Variants in TUNAR observed in about 807,000 individuals in gnomAD.
TUNAR encodes protein TUNAR.
At chr14:95,910,627 T>C (rs916777738) in intron 2 of TUNAR, among the ~76,000 whole-genome samples, 1 of 152,242 alleles carries the variant, frequency 6.6e-6, no homozygotes, top group African/African-American at 2.4e-5. Flanking sequence ...ATTTTATCTC[T>C]TCACTGGTTC....
At chr14:95,894,085 G>A (rs759039789) in intron 2 of TUNAR, among the ~76,000 whole-genome samples, 2 of 152,262 alleles carry the variant, frequency 1.3e-5, no homozygotes, top group African/African-American at 2.4e-5. Context: ...CCAGAAGAGG[G>A]AAGAGGAGCA....
chr14:95,903,832 C>T (rs932067350), intron 2 of TUNAR, among the ~76,000 whole-genome samples: 1 of 152,194 alleles, frequency 6.6e-6, no homozygotes, highest in Non-Finnish European at 1.5e-5. Context: ...CCGGCACAGC[C>T]AGGGCTGTAG....
chr14:95,884,082 C>A (rs1271118070), intron 2 of TUNAR, among the ~76,000 whole-genome samples: 1 of 152,146 alleles, frequency 6.6e-6, no homozygotes, highest in Non-Finnish European at 1.5e-5. Flanking sequence ...CACCGCCGTG[C>A]TGTCCAAGCC....
intron 2 of TUNAR, among the ~76,000 whole-genome samples, chr14:95,913,605 G>C (rs933820741): frequency 1.3e-5 from 2 of 152,154 alleles, no homozygotes; most frequent in African/African-American, 4.8e-5. Flanking sequence ...GTCTAGAGAA[G>C]TCATAAAGAG....
chr14:95,889,483 G>A (rs561879880), intron 2 of TUNAR, among the ~76,000 whole-genome samples: 35 of 67,036 alleles, frequency 5.2e-4, no homozygotes, highest in South Asian at 4.2e-3. Context: ...CTCCTCCTCC[G>A]CCTCCACTAT....
intron 2 of TUNAR, among the ~76,000 whole-genome samples, chr14:95,914,587 G>T (rs1427831041): frequency 2.0e-5 from 3 of 152,188 alleles, no homozygotes; most frequent in Admixed American, 6.5e-5. Context: ...GAGTGGCTAT[G>T]TGGACAAGTA....
intron 2 of TUNAR, among the ~76,000 whole-genome samples, chr14:95,898,237 A>C (rs1309285039): frequency 6.6e-6 from 1 of 152,206 alleles, no homozygotes; most frequent in Non-Finnish European, 1.5e-5. Context: ...CTTGTTGCTG[A>C]TGAGAAGTCC....
At chr14:95,924,215 C>T (rs1249763723) in exon 3 of TUNAR, 1 of 152,210 alleles carries the variant, frequency 6.6e-6, no homozygotes, top group Non-Finnish European at 1.5e-5. Context: ...CCCAGGAGAT[C>T]TCATGGTGAT....
intron 2 of TUNAR, among the ~76,000 whole-genome samples, chr14:95,886,011 G>T (rs1052578359): frequency 6.6e-6 from 1 of 152,156 alleles, no homozygotes; most frequent in Non-Finnish European, 1.5e-5. Context: ...CAAGGTAGCC[G>T]CTGGCTTCAG....
At chr14:95,918,238 G>A (rs112535284) in intron 2 of TUNAR, among the ~76,000 whole-genome samples, 3,120 of 152,254 alleles carry the variant, frequency 0.02, 114 homozygotes, top group African/African-American at 0.069. Context: ...ATCCCCTCAA[G>A]CATCTATCCA....
intron 2 of TUNAR, among the ~76,000 whole-genome samples, chr14:95,878,638 T>C (rs1490925463): frequency 2.6e-5 from 4 of 152,184 alleles, no homozygotes; most frequent in Non-Finnish European, 5.9e-5. Flanking sequence ...CTGAATGGGT[T>C]GTTGATTTCC....
intron 2 of TUNAR, among the ~76,000 whole-genome samples, chr14:95,922,035 T>C (rs1186237596): frequency 1.3e-5 from 2 of 152,206 alleles, no homozygotes; most frequent in African/African-American, 4.8e-5. Flanking sequence ...ATGAAGCCCA[T>C]GGGAGCAGTC....
intron 2 of TUNAR, among the ~76,000 whole-genome samples, chr14:95,898,616 C>T (rs912380899): frequency 2.6e-5 from 4 of 151,986 alleles, no homozygotes; most frequent in African/African-American, 9.7e-5. Context: ...TCTGGTTTGT[C>T]ATTTTGCTTT....
In TUNAR at chr14:95,915,574, G is replaced by A. The variant is rs540152722; in HGVS notation, c.13-7207G>A. Among the ~76,000 whole-genome samples, 15 of 152,314 alleles carry A rather than the reference G, an allele frequency of 9.8e-5. No individual in the cohort carries two copies. The South Asian group carries it at 3.1e-3, about 32-fold the overall frequency. ...CAGAGGAAAATCGAGACCAAAGAAA[G>A]ACCATGAATGCTGGTTAGGCCCAGT... is the stretch of plus-strand genomic sequence containing the variant. On this transcript the variant is annotated intron_variant, in intron 2 of 2. Coordinates refer to ENST00000678517, the Ensembl canonical transcript of TUNAR.
chr14:95,918,018 A>G (rs74085764), intron 2 of TUNAR, among the ~76,000 whole-genome samples: 7,099 of 152,322 alleles, frequency 0.047, 545 homozygotes, highest in African/African-American at 0.16. Flanking sequence ...GATTGAGTGG[A>G]TAAATGAATG....
At chr14:95,915,719 G>T (rs767315534) in intron 2 of TUNAR, among the ~76,000 whole-genome samples, 5 of 152,256 alleles carry the variant, frequency 3.3e-5, no homozygotes, top group Non-Finnish European at 7.3e-5. Flanking sequence ...CACACACGGC[G>T]CTGTGTCACT....
chr14:95,904,534 C>T (rs920074823), intron 2 of TUNAR, among the ~76,000 whole-genome samples: 2 of 152,170 alleles, frequency 1.3e-5, no homozygotes, highest in Non-Finnish European at 2.9e-5. Flanking sequence ...GTCAACAGCC[C>T]AGGCCAGGGT....
intron 2 of TUNAR, among the ~76,000 whole-genome samples, chr14:95,900,324 G>T (rs1033182626): frequency 1.3e-5 from 2 of 152,214 alleles, no homozygotes; most frequent in African/African-American, 4.8e-5. Flanking sequence ...CTGCATGATT[G>T]CGGGGAAAGG....
intron 2 of TUNAR, among the ~76,000 whole-genome samples, chr14:95,914,999 G>A (rs1889578447): frequency 1.3e-5 from 2 of 152,174 alleles, no homozygotes; most frequent in South Asian, 4.1e-4. Context: ...GTGGGTGCAA[G>A]CTAAGCGAGA....
Sources: gnomAD v4.1 joint callset for allele counts (sites outside exome capture counted in the v4.1 genomes callset) on GRCh38, gnomAD v4.1.1 for gene constraint, MANE v1.5 for transcripts, NCBI Gene and HGNC (gene_info 2026-07-23, HGNC 2026-07-21) for gene names.